The following NAV1 variants were observed in gnomAD, a reference collection of about 807,000 sequenced individuals.
NAV1 encodes the protein neuron navigator 1.
In NAV1, 18 loss-of-function variants were observed where a neutral mutation model predicts 175.2. The ratio of observed to expected loss-of-function variants is 0.10; its 90% CI spans 0.07 to 0.15. The LOEUF (loss-of-function observed/expected upper bound fraction) is 0.15. Ranked by LOEUF, NAV1 falls within the 10% of genes least tolerant of loss-of-function variation. The pLI is 1.00. For synonymous variants in NAV1, 897 were observed against 978.7 expected, an observed-to-expected ratio of 0.92 and a Z score of 1.56; for missense variants, 1,731 against 2,436.6, an observed-to-expected ratio of 0.71 and a Z score of 6.10.
intron 2 of NAV1, among the ~76,000 whole-genome samples, chr1:201,637,141 C>G (rs539190911): frequency 1.3e-5 from 2 of 152,258 alleles, no homozygotes; most frequent in South Asian, 4.2e-4. Context: ...TCTAATAAAG[C>G]ACAGAAGTAC....
chr1:201,674,450 A>G (rs1181113664), intron 1 of NAV1, among the ~76,000 whole-genome samples: 1 of 152,156 alleles, frequency 6.6e-6, no homozygotes, highest in Non-Finnish European at 1.5e-5. Context: ...TGCTGGTACC[A>G]GGAGCCCTCC....
At chr1:201,772,960 G>GA (rs1675690425) in intron 3 of NAV1, among the ~76,000 whole-genome samples, 1 of 151,338 alleles carries the variant, frequency 6.6e-6, no homozygotes, top group Admixed American at 6.6e-5. Flanking sequence ...ATGAACCTGG[G>GA]AGGCGGAGCT....
intron 2 of NAV1, among the ~76,000 whole-genome samples, chr1:201,617,887 T>C (rs1026769978): frequency 6.6e-6 from 1 of 152,120 alleles, no homozygotes; most frequent in Non-Finnish European, 1.5e-5. Flanking sequence ...TATGAGGCAG[T>C]AGAGAGTGAG....
At chr1:201,745,909 T>C (rs765382775) in intron 3 of NAV1, among the ~76,000 whole-genome samples, 12 of 152,194 alleles carry the variant, frequency 7.9e-5, no homozygotes, top group Non-Finnish European at 1.6e-4. Context: ...CTCCGCTCAT[T>C]GCCACCTCTG....
In NAV1 at chr1:201,640,984, A is replaced by C. The variant is rs573765961; in HGVS notation, c.5-7650A>C. ...AGCCCTGAACATTAGGAAATGATTA[A>C]AGTGGCTGCAGTGAACTGCGTGGGG... On this transcript the variant is annotated intron_variant, in intron 2 of 29. Coordinates refer to the NAV1 transcript ENST00000367302. Among the ~76,000 whole-genome samples, 4 of 152,318 alleles carry C rather than the reference A, an allele frequency of 2.6e-5. No homozygotes were observed. The East Asian group carries it at 5.8e-4, about 22-fold the overall frequency.
At chr1:201,700,845 A>G (rs1176782986) in intron 1 of NAV1, among the ~76,000 whole-genome samples, 1 of 151,820 alleles carries the variant, frequency 6.6e-6, no homozygotes, top group Non-Finnish European at 1.5e-5. Flanking sequence ...CCCCGTCTCT[A>G]ATAAAAATAC....
intron 16 of NAV1, 117 bp from the exon 21 acceptor site, chr1:201,804,372 A>G (rs2102793270): frequency 9.5e-7 from 1 of 1,047,880 alleles, no homozygotes; most frequent in African/African-American, 1.6e-5. Context: ...AGTAAGACAC[A>G]CCCCCAGACC....
At chr1:201,605,129 C>CTTT (rs572596717) in intron 2 of NAV1, among the ~76,000 whole-genome samples, 1 of 139,850 alleles carries the variant, frequency 7.2e-6, no homozygotes. Flanking sequence ...CTGGCTTCTG[C>CTTT]TTTTTTTTTT....
At chr1:201,682,850 A>G (rs952013851) in intron 1 of NAV1, among the ~76,000 whole-genome samples, 6 of 152,214 alleles carry the variant, frequency 3.9e-5, no homozygotes, top group African/African-American at 1.4e-4. Flanking sequence ...AACTTTTAAT[A>G]TTAGAATAGT....
rs10670603 is a variant in NAV1, at chr1:201,573,311, ATG to A, written c.-143-15218_-143-15217del. 8.3e-3 allele frequency among the ~76,000 whole-genome samples: 1,269 copies of A among 152,118 alleles called. 12 individuals carry two copies. The highest frequency in any genetic ancestry group is 0.029 in the African/African-American group (1,203 of 41,436). On this transcript the variant is annotated intron_variant, in intron 1 of 33. Transcript: ENST00000685211. The stretch of plus-strand genomic sequence containing the variant: ...TCCAGATAATGTTTCATCTCCTGAT[ATG>A]TGTGTGTGTATGCGTGTGTGTGTGT...
intron 15 of NAV1, chr1:201,796,671 G>A (rs901312162): frequency 6.6e-6 from 1 of 152,116 alleles, no homozygotes; most frequent in African/African-American, 2.4e-5. Context: ...CCTCTTTTTT[G>A]TAATAGCTAG....
At chr1:201,542,276 C>G (rs1557989269) in intron 1 of NAV1, among the ~76,000 whole-genome samples, 1 of 152,136 alleles carries the variant, frequency 6.6e-6, no homozygotes, top group South Asian at 2.1e-4. Flanking sequence ...GAGAGAGGAA[C>G]AGAAACATAT....
At chr1:201,797,287 T>C (rs897900151) in intron 15 of NAV1, 8 of 152,250 alleles carry the variant, frequency 5.3e-5, no homozygotes, top group Non-Finnish European at 8.8e-5. Flanking sequence ...CAATTGACTA[T>C]ACATATATGA....
exon 7 of NAV1, chr1:201,783,500 A>G (rs1395325415): frequency 1.2e-6 from 2 of 1,614,020 alleles, no homozygotes; most frequent in Non-Finnish European, 1.7e-6. Context: ...CAGTGATACC[A>G]CCCATGCTTC....
intron 1 of NAV1, among the ~76,000 whole-genome samples, chr1:201,545,122 C>T (rs1434592160): frequency 6.6e-6 from 1 of 152,196 alleles, no homozygotes; most frequent in Non-Finnish European, 1.5e-5. Context: ...AATGAAAATG[C>T]CTTACTCCTG....
rs1673375856 is a variant in NAV1 at position 201,740,848 on chromosome 1, G to A, written c.1226+22093G>A. ...GACTCTCTGAGCTGACTTGGAAACT[G>A]CACTTCCAAGGGAGAATTAGGAAAT... On this transcript the variant is annotated intron_variant, in intron 3 of 29. Transcript: ENST00000367296. This position sits in a 1 kb window ranked among gnomAD's most constrained non-coding sequence, Gnocchi z 4.7. Among the ~76,000 whole-genome samples, 1 of 152,050 alleles carries A rather than the reference G, an allele frequency of 6.6e-6. No individual in the cohort carries two copies. The highest frequency in any genetic ancestry group is 1.5e-5 in the Non-Finnish European group (1 of 67,990).
At chr1:201,664,802 G>T (rs188010608) in intron 1 of NAV1, among the ~76,000 whole-genome samples, 1 of 152,118 alleles carries the variant, frequency 6.6e-6, no homozygotes, top group Non-Finnish European at 1.5e-5. Context: ...CTCATGAGCC[G>T]TGGTATGCCC....
upstream of NAV1, among the ~76,000 whole-genome samples, chr1:201,619,061 G>T (rs942640338): frequency 2.0e-5 from 3 of 152,194 alleles, no homozygotes; most frequent in African/African-American, 7.2e-5. Context: ...CTATCAAGTT[G>T]CGGAAGGAGG....
At chr1:201,590,442 TG>T (rs1276390885) in intron 2 of NAV1, among the ~76,000 whole-genome samples, 1 of 152,198 alleles carries the variant, frequency 6.6e-6, no homozygotes, top group East Asian at 1.9e-4. Flanking sequence ...TTACATGAAA[TG>T]AAATTCAATG....
Sources: allele counts gnomAD v4.1 joint callset (sites outside exome capture counted in the v4.1 genomes callset), GRCh38; gene constraint gnomAD v4.1.1; non-coding constraint Gnocchi (gnomAD v3.1); transcripts MANE v1.5; gene names NCBI Gene and HGNC (gene_info 2026-07-23, HGNC 2026-07-21).